IL31RA: variants seen among roughly 807,000 people sequenced by gnomAD.
IL31RA encodes the protein interleukin-31 receptor subunit alpha.
Under a neutral mutation model 83.7 loss-of-function variants are expected in IL31RA, and 66 were observed. The ratio of observed to expected loss-of-function variants is 0.79; its 90% CI spans 0.65 to 0.97. The LOEUF is 0.97. Among genes scored for constraint, IL31RA ranks in the 50% least tolerant of loss-of-function variants. The probability of loss-of-function intolerance (pLI) is 0.00; values close to 1 mark genes in which losing one functional copy is unlikely to be tolerated. For missense variants in IL31RA, 798 were observed against 919.4 expected (o/e 0.87, Z 1.71); for synonymous variants, 325 against 329.0 (o/e 0.99, Z 0.13).
rs1300442978 is a variant in IL31RA, at chr5:55,921,563, T to C, written c.*4443T>C. Reference sequence around the variant, plus strand: ...TTATGGTTGTCACATTTTGCGTGACTGTGTCCCATCAAAGGTTATGCTGAT... The same window carrying C: ...TTATGGTTGTCACATTTTGCGTGACCGTGTCCCATCAAAGGTTATGCTGAT... On this transcript the variant is annotated 3_prime_UTR_variant, in exon 15 of 15. Coordinates refer to ENST00000652347, the MANE Select transcript of IL31RA (RefSeq NM_139017.7). 6.6e-6 allele frequency among the ~76,000 whole-genome samples: 1 copy of C among 152,272 alleles called. No homozygotes were observed. The highest frequency in any genetic ancestry group is 2.4e-5 in the African/African-American group (1 of 41,472).
chr5:55,867,316 T>TGCGC (rs757948929), intron 2 of IL31RA, among the ~76,000 whole-genome samples: 3 of 148,436 alleles, frequency 2.0e-5, no homozygotes, highest in African/African-American at 5.0e-5. Flanking sequence ...TGTGTGTGTG[T>TGCGC]GCGTGTGTGT....
chr5:55,917,316 A>T lies in IL31RA; in HGVS notation c.*196A>T. Reference sequence around the variant, plus strand: ...TGTACTGGGAAGAAGGGATGGTGATAAGCCCGAGTTTTGTAAAGGAACAGC... The same window carrying T: ...TGTACTGGGAAGAAGGGATGGTGATTAGCCCGAGTTTTGTAAAGGAACAGC... On this transcript the variant is annotated 3_prime_UTR_variant, in exon 15 of 15. Coordinates refer to ENST00000652347, the MANE Select transcript of IL31RA (RefSeq NM_139017.7). 2 of 1,464,500 alleles carry T rather than the reference A, an allele frequency of 1.4e-6. No homozygotes were observed. Among genetic ancestry groups the T allele is most frequent in the South Asian group, 2.8e-5 (2 of 72,370 alleles). The allele number at this position is 1,464,500 out of a possible 1,614,324, so 90.7% of individuals were successfully genotyped here.
chr5:55,889,073 CA>C (rs1747819541), intron 5 of IL31RA, among the ~76,000 whole-genome samples: 1 of 152,002 alleles, frequency 6.6e-6, no homozygotes, highest in Non-Finnish European at 1.5e-5. Context: ...TTTTATTAAT[CA>C]GCTCAAAATA....
intron 5 of IL31RA, among the ~76,000 whole-genome samples, chr5:55,886,309 T>C (rs1375880757): frequency 6.8e-6 from 1 of 147,200 alleles, no homozygotes; most frequent in African/African-American, 2.6e-5. Flanking sequence ...AGTTTCACTC[T>C]TGTTGCCCAG....
intron 4 of IL31RA, among the ~76,000 whole-genome samples, chr5:55,872,733 A>G (rs1210119894): frequency 6.6e-6 from 1 of 152,052 alleles, no homozygotes. Context: ...TTGTAATTGC[A>G]CTCAAAGAAA....
chr5:55,879,424 C>CCTTTTTTTTTTTTT (rs1747055033), intron 4 of IL31RA, among the ~76,000 whole-genome samples: 1 of 31,900 alleles, frequency 3.1e-5, no homozygotes, highest in African/African-American at 1.9e-4. Flanking sequence ...CAGTTTCTGT[C>CCTTTTTTTTTTTTT]CTTTTTTTTT....
At chr5:55,914,284 A>G (rs1749663166) in intron 13 of IL31RA, among the ~76,000 whole-genome samples, 1 of 152,222 alleles carries the variant, frequency 6.6e-6, no homozygotes, top group Non-Finnish European at 1.5e-5. Context: ...CCAAGCCACC[A>G]GCATAGATTC....
intron 5 of IL31RA, among the ~76,000 whole-genome samples, chr5:55,887,657 C>T (rs540459761): frequency 5.3e-5 from 8 of 152,148 alleles, no homozygotes; most frequent in Middle Eastern, 3.4e-3. Context: ...GAGGCTGAGG[C>T]GGGTGGATCA....
At chr5:55,894,937 G>C (rs535838062) in intron 6 of IL31RA, among the ~76,000 whole-genome samples, 1 of 151,990 alleles carries the variant, frequency 6.6e-6, no homozygotes, top group Non-Finnish European at 1.5e-5. Flanking sequence ...GGCTGGTCTC[G>C]AACTCCTGAC....
At chr5:55,898,046 G>A (rs577032746) in intron 7 of IL31RA, among the ~76,000 whole-genome samples, 20 of 152,304 alleles carry the variant, frequency 1.3e-4, no homozygotes, top group East Asian at 5.8e-4. Flanking sequence ...CGGTGCTGCC[G>A]CCGCATGGGA....
At chr5:55,913,280 C>T (rs1308311719) in intron 12 of IL31RA, among the ~76,000 whole-genome samples, 197 bp from the exon 13 acceptor site, 6 of 151,906 alleles carry the variant, frequency 3.9e-5, no homozygotes, top group African/African-American at 9.7e-5. Context: ...TTAGTAGAGA[C>T]GGGGTTTCAC....
intron 4 of IL31RA, among the ~76,000 whole-genome samples, chr5:55,874,531 G>T (rs1483033795): frequency 6.6e-6 from 1 of 152,000 alleles, no homozygotes; most frequent in Non-Finnish European, 1.5e-5. Flanking sequence ...ATTTATTTAG[G>T]CTGCCTTCAG....
chr5:55,862,743 G>A (rs1561539427), intron 2 of IL31RA, among the ~76,000 whole-genome samples: 1 of 152,136 alleles, frequency 6.6e-6, no homozygotes, highest in Admixed American at 6.5e-5. Context: ...CCAATTTAGG[G>A]TACCACATTG....
At chr5:55,866,123 T>C (rs1341923811) in intron 2 of IL31RA, among the ~76,000 whole-genome samples, 1 of 152,120 alleles carries the variant, frequency 6.6e-6, no homozygotes, top group Admixed American at 6.5e-5. Flanking sequence ...CTCACAGCTG[T>C]ATCCTCGCCC....
intron 4 of IL31RA, among the ~76,000 whole-genome samples, chr5:55,882,349 G>A (rs1161325033): frequency 1.3e-5 from 2 of 152,160 alleles, no homozygotes; most frequent in Non-Finnish European, 2.9e-5. Context: ...AGGGATATAT[G>A]CTGATTGCAT....
intron 8 of IL31RA, among the ~76,000 whole-genome samples, chr5:55,902,888 G>C (rs1294925130): frequency 6.6e-6 from 1 of 152,180 alleles, no homozygotes; most frequent in Non-Finnish European, 1.5e-5. Flanking sequence ...AGACGGCAAA[G>C]GGATTCAGGC....
chr5:55,891,807 G>A (rs978267090), intron 6 of IL31RA, among the ~76,000 whole-genome samples: 7 of 102,704 alleles, frequency 6.8e-5, no homozygotes, highest in East Asian at 3.2e-4. Flanking sequence ...ATGGAGTCTC[G>A]CTTTGTCGCC....
At chr5:55,859,397 T>A (rs1745536287) in intron 1 of IL31RA, 112 bp from the exon 2 acceptor site, 1 of 781,824 alleles carries the variant, frequency 1.3e-6, no homozygotes, top group Admixed American at 1.9e-5. Flanking sequence ...ACAAATAAAA[T>A]AAAATAGGAT....
At chr5:55,883,327 T>C (rs1747377654) in intron 5 of IL31RA, 132 bp downstream of exon 5, 1 of 864,036 alleles carries the variant, frequency 1.2e-6, no homozygotes, top group South Asian at 1.5e-5. Context: ...GCTAAGTACT[T>C]CTCCTTCCAG....
Sources: allele counts gnomAD v4.1 joint callset (sites outside exome capture counted in the v4.1 genomes callset), GRCh38; gene constraint gnomAD v4.1.1; transcripts MANE v1.5; gene names NCBI Gene and HGNC (gene_info 2026-07-23, HGNC 2026-07-21).